Variants in FLYWCH1 observed in about 807,000 individuals in gnomAD.
FLYWCH1 encodes the protein FLYWCH-type zinc finger 1, also known as FLYWCH-type zinc finger-containing protein 1.
FLYWCH1 carries 75 observed loss-of-function variants against 66.4 expected under a neutral mutation model. The observed-to-expected ratio is 1.13, with a 90% CI of 0.94 to 1.37. FLYWCH1 has a LOEUF of 1.37. Among genes scored for constraint, FLYWCH1 ranks in the 40% most tolerant of loss-of-function variants. FLYWCH1 has a pLI of 0.00. For missense variants in FLYWCH1, 1,334 were observed against 1,001.8 expected, an observed-to-expected ratio of 1.33 and a Z score of -4.48; for synonymous variants, 595 against 429.9, an observed-to-expected ratio of 1.38 and a Z score of -4.75.
chr16:2,934,718 G>A, intron 6 of FLYWCH1: 1 of 454,086 alleles, frequency 2.2e-6, no homozygotes, highest in Non-Finnish European at 4.4e-6. Flanking sequence ...AGCTGTGATT[G>A]TCTTTCTCTT....
intron 1 of FLYWCH1, among the ~76,000 whole-genome samples, chr16:2,913,651 G>T (rs1018811264): frequency 1.3e-5 from 2 of 152,172 alleles, no homozygotes; most frequent in Non-Finnish European, 2.9e-5. Context: ...ACGGTGCTGA[G>T]ATTGTGAAGT....
chr16:2,922,399 T>C (rs1162678605), intron 2 of FLYWCH1: 2 of 187,424 alleles, frequency 1.1e-5, no homozygotes, highest in Non-Finnish European at 2.2e-5. Context: ...TCATTGTTCA[T>C]CCGTCACCAC....
intron 2 of FLYWCH1, among the ~76,000 whole-genome samples, chr16:2,921,703 A>G (rs1173146154): frequency 1.3e-5 from 2 of 151,836 alleles, no homozygotes; most frequent in Admixed American, 1.3e-4. Context: ...CAGAGGCTGT[A>G]GTGATCACGC....
chr16:2,949,543 T>G lies in FLYWCH1; in HGVS notation c.*816T>G, dbSNP rs2071615931. On this transcript the variant is annotated 3_prime_UTR_variant, in exon 10 of 10. Transcript: ENST00000253928. ...CCTTCTGTCAGACAGCTTCACAGAG[T>G]GTGGCTTCACCAGTCAGAGGGAGCA... 1 of 151,962 alleles carries G rather than the reference T, an allele frequency of 6.6e-6. No individual in the cohort carries two copies. Among genetic ancestry groups the G allele is most frequent in the Admixed American group, 6.6e-5 (1 of 15,244 alleles). 9.4% of individuals were successfully genotyped at this position (151,962 alleles called of 1,614,324 possible).
chr16:2,927,309 C>T (rs757888089), intron 2 of FLYWCH1, among the ~76,000 whole-genome samples: 13 of 152,166 alleles, frequency 8.5e-5, no homozygotes, highest in Non-Finnish European at 1.6e-4. Flanking sequence ...GTGGCAGTTC[C>T]TGGTAATTTT....
chr16:2,945,999 AAAAT>A (rs142107941), intron 9 of FLYWCH1, among the ~76,000 whole-genome samples: 5,019 of 152,252 alleles, frequency 0.033, 112 homozygotes, highest in Non-Finnish European at 0.05. Flanking sequence ...TCCATGTCAA[AAAAT>A]AAATAAATAA....
chr16:2,940,359 A>C (rs978273895), intron 9 of FLYWCH1, among the ~76,000 whole-genome samples: 4 of 152,206 alleles, frequency 2.6e-5, no homozygotes, highest in African/African-American at 4.8e-5. Flanking sequence ...CAGCCATGGG[A>C]CAGAGAGAGA....
chr16:2,927,277 G>C (rs1448643978), intron 2 of FLYWCH1, among the ~76,000 whole-genome samples: 2 of 152,216 alleles, frequency 1.3e-5, no homozygotes, highest in African/African-American at 2.4e-5. Context: ...GATGAAGCTA[G>C]AAAACAGGGA....
intron 2 of FLYWCH1, among the ~76,000 whole-genome samples, chr16:2,925,442 C>G (rs1387678322): frequency 6.6e-6 from 1 of 151,826 alleles, no homozygotes; most frequent in Admixed American, 6.5e-5. Flanking sequence ...CCACCCAGTG[C>G]CATTCAGTCC....
rs761017441 is a variant in FLYWCH1 at position 2,930,430 on chromosome 16, T to C, written c.346T>C (p.Phe116Leu). ...LDAAAPQSLE[F>L]LRTPFGGRLL... ...CCCAGCAGCCCCTCAGTCCCTGGAG[T>C]TCCTGAGGACACCATTCGGGGGCCG... Residue 116 changes from phenylalanine (F) to leucine (L), a missense_variant, in exon 4 of 10, where the codon TTC (phenylalanine) becomes CTC (leucine). Physicochemically the swap from Phe to Leu is conservative, Grantham distance 22. Coordinates refer to ENST00000253928, the MANE Select transcript of FLYWCH1 (RefSeq NM_001308068.2). The C allele has an allele frequency of 1.6e-5, 24 of 1,473,824 alleles. No homozygotes were observed. Among genetic ancestry groups the C allele is most frequent in the Admixed American group, 2.9e-5 (1 of 35,058 alleles). The allele number at this position is 1,473,824 out of a possible 1,614,324, so 91.3% of individuals were successfully genotyped here.
intron 2 of FLYWCH1, among the ~76,000 whole-genome samples, chr16:2,925,438 A>G (rs1158480856): frequency 7.0e-6 from 1 of 142,898 alleles, no homozygotes; most frequent in Non-Finnish European, 1.5e-5. Context: ...GGTCCCACCC[A>G]GTGCCATTCA....
At chr16:2,919,704 A>G (rs1193708813) in intron 2 of FLYWCH1, among the ~76,000 whole-genome samples, 3 of 152,122 alleles carry the variant, frequency 2.0e-5, no homozygotes, top group Non-Finnish European at 2.9e-5. Flanking sequence ...TCGAAGTACT[A>G]CTTTTTGTAA....
intron 6 of FLYWCH1, chr16:2,934,840 T>C (rs2070931459): frequency 3.3e-6 from 1 of 301,800 alleles, no homozygotes; most frequent in African/African-American, 2.2e-5. Flanking sequence ...GGCTGCCCTA[T>C]TTCCTAAAAT....
intron 7 of FLYWCH1, among the ~76,000 whole-genome samples, 200 bp from the exon 8 acceptor site, chr16:2,937,984 C>T (rs1346212219): frequency 1.3e-5 from 2 of 152,134 alleles, no homozygotes; most frequent in Admixed American, 6.5e-5. Flanking sequence ...GCCCAGTCAT[C>T]CCCAGAGCCC....
intron 6 of FLYWCH1, chr16:2,935,352 G>A (rs2070954879): frequency 6.6e-6 from 1 of 152,382 alleles, no homozygotes; most frequent in Non-Finnish European, 1.5e-5. Context: ...GCCTGCTTTT[G>A]TGTGTCCAGG....
At chr16:2,947,095 G>T (rs757792829) in intron 9 of FLYWCH1, among the ~76,000 whole-genome samples, 1 of 152,136 alleles carries the variant, frequency 6.6e-6, no homozygotes, top group Non-Finnish European at 1.5e-5. Context: ...AGCCCAAAAT[G>T]TCCATCAATG....
Position 2,933,707 on chromosome 16 carries a change from C to G in FLYWCH1, c.1250-9C>G. On this transcript the variant is annotated splice_polypyrimidine_tract_variant and intron_variant, in intron 5 of 9. Coordinates refer to ENST00000253928, the MANE Select transcript of FLYWCH1 (RefSeq NM_001308068.2). Reference sequence around the variant, plus strand: ...TCCCCTCCCCTGACTGCCTCTTGAACCTCCCCAGGAGGCCCTGAGTTCCTG... The same window carrying G: ...TCCCCTCCCCTGACTGCCTCTTGAAGCTCCCCAGGAGGCCCTGAGTTCCTG... 1 of 1,608,684 alleles carries G rather than the reference C, an allele frequency of 6.2e-7. No individual in the cohort carries two copies. The highest frequency in any genetic ancestry group is 8.5e-7 in the Non-Finnish European group (1 of 1,177,120).
chr16:2,918,382 C>T (rs1437465913), intron 2 of FLYWCH1, among the ~76,000 whole-genome samples: 4 of 151,852 alleles, frequency 2.6e-5, no homozygotes, highest in Admixed American at 6.6e-5. Flanking sequence ...CTCCTGACCT[C>T]GTGATCCGCC....
intron 2 of FLYWCH1, among the ~76,000 whole-genome samples, chr16:2,926,667 A>G (rs1041199706): frequency 3.9e-5 from 6 of 152,254 alleles, no homozygotes; most frequent in Non-Finnish European, 7.3e-5. Flanking sequence ...GTGCCGCTCC[A>G]AAATCTATTA....
Sources: gnomAD v4.1 joint callset for allele counts (sites outside exome capture counted in the v4.1 genomes callset) on GRCh38, gnomAD v4.1.1 for gene constraint, MANE v1.5 for transcripts, NCBI Gene and HGNC (gene_info 2026-07-23, HGNC 2026-07-21) for gene names.